Variants in SPOP observed in about 807,000 individuals in gnomAD.
SPOP encodes speckle type BTB/POZ protein, also known as speckle-type POZ protein.
A neutral mutation model predicts 45.6 loss-of-function variants in SPOP; 11 were observed. The observed-to-expected ratio is 0.24, with a 90% confidence interval of 0.15 to 0.40. The LOEUF is 0.40. SPOP is among the 10% of genes least tolerant of loss of function. SPOP has a pLI of 1.00. For missense variants in SPOP, 152 were observed against 465.6 expected (o/e 0.33, Z 6.20); for synonymous variants, 166 against 166.3 (o/e 1.00, Z 0.01).
chr17:49,612,298 T>C (rs776784185), intron 5 of SPOP, among the ~76,000 whole-genome samples: 17 of 152,206 alleles, frequency 1.1e-4, no homozygotes, highest in Non-Finnish European at 2.4e-4. Flanking sequence ...AAAATATTAG[T>C]TTAATGAACA....
chr17:49,616,423 T>A (rs1173491804), intron 5 of SPOP, among the ~76,000 whole-genome samples: 1 of 152,040 alleles, frequency 6.6e-6, no homozygotes, highest in Non-Finnish European at 1.5e-5. Flanking sequence ...ATCAACTTCA[T>A]AAAAGCCTCT....
intron 1 of SPOP, among the ~76,000 whole-genome samples, chr17:49,627,295 A>G (rs1274250831): frequency 6.6e-6 from 1 of 152,274 alleles, no homozygotes; most frequent in Non-Finnish European, 1.5e-5. Context: ...CATGAAGAAA[A>G]GAAGCCAAAT....
At chr17:49,641,760 G>A (rs899278814) in intron 1 of SPOP, among the ~76,000 whole-genome samples, 2 of 152,056 alleles carry the variant, frequency 1.3e-5, no homozygotes, top group African/African-American at 2.4e-5. Flanking sequence ...GGTGGCTCAC[G>A]CCTAAAATCC....
At chr17:49,628,504 T>G (rs2072383554) in intron 1 of SPOP, among the ~76,000 whole-genome samples, 1 of 151,590 alleles carries the variant, frequency 6.6e-6, no homozygotes, top group Admixed American at 6.6e-5. Flanking sequence ...ACTAGAATAT[T>G]AAACTTTGGA....
intron 1 of SPOP, among the ~76,000 whole-genome samples, chr17:49,641,689 C>T (rs955434801): frequency 6.6e-6 from 1 of 151,946 alleles, no homozygotes; most frequent in Non-Finnish European, 1.5e-5. Context: ...AGAGTTAAGA[C>T]TTCTAAAAAG....
chr17:49,655,560 G>T (rs2072898300), intron 1 of SPOP, among the ~76,000 whole-genome samples: 1 of 151,930 alleles, frequency 6.6e-6, no homozygotes, highest in African/African-American at 2.4e-5. Flanking sequence ...TGGAATGCAT[G>T]ATGTAATTTT....
chr17:49,618,929 A>C, intron 5 of SPOP, 52 bp downstream of exon 5: 1 of 1,572,526 alleles, frequency 6.4e-7, no homozygotes, highest in South Asian at 1.2e-5. Flanking sequence ...TAAGTCTACC[A>C]ATACTCATCA....
intron 1 of SPOP, among the ~76,000 whole-genome samples, chr17:49,624,317 A>ACGCGCGCG (rs1205531205): frequency 1.8e-5 from 2 of 109,620 alleles, no homozygotes; most frequent in African/African-American, 7.0e-5. Flanking sequence ...GAACACACAC[A>ACGCGCGCG]CACGCGCGCG....
chr17:49,630,189 AAAAC>A (rs1248781014), intron 1 of SPOP, among the ~76,000 whole-genome samples: 4 of 152,248 alleles, frequency 2.6e-5, no homozygotes, highest in Non-Finnish European at 2.9e-5. Context: ...GACAATTGCA[AAAAC>A]AAACAAACAA....
intron 1 of SPOP, among the ~76,000 whole-genome samples, chr17:49,663,030 G>C (rs1416797075): frequency 6.6e-6 from 1 of 152,218 alleles, no homozygotes. Flanking sequence ...TATTTGTGCT[G>C]ATAGTACAAG....
At chr17:49,663,887 T>G (rs1942164183) in intron 1 of SPOP, among the ~76,000 whole-genome samples, 1 of 152,222 alleles carries the variant, frequency 6.6e-6, no homozygotes, top group African/African-American at 2.4e-5. Context: ...AATCTGTAGC[T>G]ACTTGACAGC....
chr17:49,655,500 G>C (rs769210219), intron 1 of SPOP, among the ~76,000 whole-genome samples: 2 of 151,196 alleles, frequency 1.3e-5, no homozygotes, highest in Non-Finnish European at 2.9e-5. Flanking sequence ...GACAGAGCGA[G>C]ACTCCGTCTC....
At chr17:49,658,090 G>T (rs892490840) in intron 1 of SPOP, among the ~76,000 whole-genome samples, 2 of 152,122 alleles carry the variant, frequency 1.3e-5, no homozygotes, top group Non-Finnish European at 2.9e-5. Context: ...CCATAAAACA[G>T]AATTCTATGT....
At chr17:49,653,062 G>A (rs942050800) in intron 1 of SPOP, among the ~76,000 whole-genome samples, 6 of 152,164 alleles carry the variant, frequency 3.9e-5, no homozygotes, top group African/African-American at 1.4e-4. Flanking sequence ...TCTAGTGCAG[G>A]CTTGAAGATA....
At chr17:49,638,354 G>A (rs1230993561) in intron 1 of SPOP, among the ~76,000 whole-genome samples, 1 of 152,198 alleles carries the variant, frequency 6.6e-6, no homozygotes, top group Non-Finnish European at 1.5e-5. Context: ...CTTGTGGGAG[G>A]CCGAGGCAGG....
Position 49,618,971 on chromosome 17 carries a change from A to C in SPOP, c.480+10T>G. The stretch of plus-strand genomic sequence containing the variant: ...GGAACTGCTAGTCTCAGCAGAATAC[A>C]AGGACTCACCTCGCAGAAGAGGGTA... On this transcript the variant is annotated intron_variant, in intron 5 of 9. Coordinates refer to ENST00000504102, the MANE Select transcript of SPOP (RefSeq NM_001007228.2). The C allele has an allele frequency of 6.2e-7, 1 of 1,611,310 alleles. No individual in the cohort carries two copies. Among genetic ancestry groups the C allele is most frequent in the Non-Finnish European group, 8.5e-7 (1 of 1,178,870 alleles).
intron 1 of SPOP, among the ~76,000 whole-genome samples, chr17:49,666,251 T>C (rs896646086): frequency 2.0e-5 from 3 of 151,586 alleles, no homozygotes; most frequent in Non-Finnish European, 4.4e-5. Context: ...ATTATCCTTA[T>C]GGAAAGAAAA....
At chr17:49,601,714 C>T (rs950229742) in intron 9 of SPOP, 151 bp downstream of exon 9, 15 of 941,140 alleles carry the variant, frequency 1.6e-5, no homozygotes, top group South Asian at 3.4e-5. Flanking sequence ...CAATTCCATA[C>T]GGTCAACTGA....
In SPOP at chr17:49,634,106, T is replaced by C. The variant is rs59908711; in HGVS notation, c.-66-11230A>G. Among the ~76,000 whole-genome samples, 3,038 of 151,936 alleles carry C rather than the reference T, an allele frequency of 0.02. 304 individuals are homozygous for C. The East Asian group carries it at 0.31, about 15-fold the overall frequency. On this transcript the variant is annotated intron_variant, in intron 1 of 9. Coordinates refer to ENST00000504102, the MANE Select transcript of SPOP (RefSeq NM_001007228.2). ...AATACCTGAAATGGAAGGACAGGAA[T>C]CCGAATCAGGAAACAAACCTGATTA... is the stretch of plus-strand genomic sequence containing the variant.
Sources: gnomAD v4.1 joint callset for allele counts (sites outside exome capture counted in the v4.1 genomes callset) on GRCh38, gnomAD v4.1.1 for gene constraint, MANE v1.5 for transcripts, NCBI Gene and HGNC (gene_info 2026-07-23, HGNC 2026-07-21) for gene names.